BFSP1: variants seen among roughly 807,000 people sequenced by gnomAD.
BFSP1 encodes the protein beaded filament structural protein 1.
A neutral mutation model predicts 43.9 loss-of-function variants in BFSP1; 38 were observed. That is an observed-to-expected ratio of 0.87 (90% confidence interval 0.67 to 1.14). The LOEUF (loss-of-function observed/expected upper bound fraction) is 1.14. BFSP1 is among the 50% of genes most tolerant of loss of function. The pLI is 0.00. For missense variants in BFSP1, 850 were observed against 875.1 expected (o/e 0.97, Z 0.36); for synonymous variants, 352 against 354.8 (o/e 0.99, Z 0.09).
At chr20:17,523,067 T>C (rs2034349422) in intron 2 of BFSP1, among the ~76,000 whole-genome samples, 1 of 152,246 alleles carries the variant, frequency 6.6e-6, no homozygotes, top group African/African-American at 2.4e-5. Flanking sequence ...ACAGGGCTGA[T>C]ACTTCAAATG....
intron 1 of BFSP1, among the ~76,000 whole-genome samples, chr20:17,527,595 G>T (rs2034448919): frequency 6.6e-6 from 1 of 152,168 alleles, no homozygotes; most frequent in African/African-American, 2.4e-5. Flanking sequence ...GGGTGTGGTA[G>T]TGGGCGCCTG....
chr20:17,518,985 C>T (rs1481705027), intron 2 of BFSP1, among the ~76,000 whole-genome samples: 2 of 152,150 alleles, frequency 1.3e-5, no homozygotes, highest in Admixed American at 6.5e-5. Context: ...TTCTCAGCCC[C>T]GGGGATGGGA....
At position 17,498,732 on chromosome 20, in the gene BFSP1, G is replaced by A. The variant is rs2033715442; in HGVS notation, c.956+88C>T. On this transcript the variant is annotated intron_variant, in intron 6 of 7. Coordinates refer to ENST00000377873, the MANE Select transcript of BFSP1 (RefSeq NM_001195.5). ...TTTCCTTCCCTGACACATGCCCACT[G>A]CCTATAACTGTGCCTGGCACACAAT... 10 of 1,432,016 alleles carry A rather than the reference G, an allele frequency of 7.0e-6. No homozygotes were observed. In the East Asian group the frequency reaches 2.5e-4, roughly 35 times the overall value. The allele number at this position is 1,432,016 out of a possible 1,614,324, so 88.7% of individuals were successfully genotyped here.
chr20:17,531,077 C>T lies in BFSP1; in HGVS notation c.253G>A (p.Glu85Lys), dbSNP rs1019095682. ...TCGACTTGGCGGGCGAGGGCGTCCTCGGGCCCGGCCAGCTCGCCCAGGCGC... is the reference window on the plus strand; with the variant it reads ...TCGACTTGGCGGGCGAGGGCGTCCTTGGGCCCGGCCAGCTCGCCCAGGCGC... ...FQRLGELAGPEDALARQVESN... is the reference protein window; with the variant it reads ...FQRLGELAGPKDALARQVESN... Residue 85 changes from glutamate (E) to lysine (K), a missense_variant, in exon 1 of 8, where the codon GAG becomes AAG. Physicochemically the swap from Glu to Lys is moderately conservative, Grantham distance 56. Coordinates refer to ENST00000377873, the MANE Select transcript of BFSP1 (RefSeq NM_001195.5). 1 of 1,375,766 alleles carries T rather than the reference C, an allele frequency of 7.3e-7. No homozygotes were observed. Among genetic ancestry groups the T allele is most frequent in the Non-Finnish European group, 9.4e-7 (1 of 1,066,254 alleles). 85.2% of individuals were successfully genotyped at this position (1,375,766 alleles called of 1,614,324 possible). A position where few individuals can be genotyped will look rare whatever the true frequency, so the allele number is the denominator to read the frequency against.
intron 2 of BFSP1, among the ~76,000 whole-genome samples, chr20:17,520,218 A>AC (rs1555802989): frequency 4.2e-5 from 5 of 118,322 alleles, no homozygotes; most frequent in African/African-American, 8.7e-5. Flanking sequence ...GTGCCCCCCC[A>AC]CCCCGCCCAC....
At chr20:17,524,721 G>T in intron 2 of BFSP1, 127 bp downstream of exon 2, 1 of 972,692 alleles carries the variant, frequency 1.0e-6, no homozygotes. Context: ...TCAAGAGACA[G>T]AGTGACTGCA....
At chr20:17,546,188 T>C (rs1175441731) in intron 1 of BFSP1, among the ~76,000 whole-genome samples, 1 of 152,116 alleles carries the variant, frequency 6.6e-6, no homozygotes, top group African/African-American at 2.4e-5. Context: ...TCAGAAAACT[T>C]ACAATCATGG....
At chr20:17,503,888 G>GA (rs2033864877) in intron 5 of BFSP1, among the ~76,000 whole-genome samples, 1 of 152,184 alleles carries the variant, frequency 6.6e-6, no homozygotes, top group Admixed American at 6.5e-5. Flanking sequence ...ACTTAGCAAA[G>GA]TTTTAAACTG....
intron 1 of BFSP1, among the ~76,000 whole-genome samples, chr20:17,542,647 A>G (rs2034737710): frequency 6.6e-6 from 1 of 152,104 alleles, no homozygotes; most frequent in Admixed American, 6.6e-5. Context: ...ACCTCACATT[A>G]CCTATGAATA....
chr20:17,504,164 A>G (rs928440359), intron 5 of BFSP1, among the ~76,000 whole-genome samples: 3 of 152,078 alleles, frequency 2.0e-5, no homozygotes, highest in African/African-American at 7.2e-5. Flanking sequence ...GCGCCCCCAC[A>G]GCCCCCATCC....
At chr20:17,511,853 G>A in intron 4 of BFSP1, 123 bp downstream of exon 4, 2 of 675,796 alleles carry the variant, frequency 3.0e-6, no homozygotes, top group South Asian at 2.0e-5. Context: ...AGAATACAAG[G>A]CAGGAGTGGG....
rs148910670 is a variant in BFSP1, at chr20:17,544,545, C to A, written c.2+14143G>T. On this transcript the variant is annotated intron_variant, in intron 1 of 7. Transcript: ENST00000377868. ...CTCTAGAGATAATAATGTAACAAAA[C>A]AAAAGAGCTGTGTCTATGCTGGTTT... Among the ~76,000 whole-genome samples the A allele has an allele frequency of 8.1e-3, 1,239 of 152,176 alleles. 18 individuals are homozygous for A. The highest frequency in any genetic ancestry group is 0.019 in the East Asian group (101 of 5,182).
chr20:17,512,870 A>C (rs979297710), intron 3 of BFSP1, among the ~76,000 whole-genome samples: 3 of 152,206 alleles, frequency 2.0e-5, no homozygotes, highest in Non-Finnish European at 4.4e-5. Context: ...AACCTCCTAA[A>C]ATGCAAGTTC....
intron 2 of BFSP1, among the ~76,000 whole-genome samples, chr20:17,520,218 A>C (rs2269050): frequency 0.53 from 60,242 of 114,250 alleles, 12,603 homozygotes; most frequent in African/African-American, 0.64. Flanking sequence ...GTGCCCCCCC[A>C]CCCCGCCCAC....
At chr20:17,546,673 C>T (rs893982381) in intron 1 of BFSP1, among the ~76,000 whole-genome samples, 3 of 151,720 alleles carry the variant, frequency 2.0e-5, no homozygotes, top group Non-Finnish European at 1.5e-5. Context: ...CACTGCATTC[C>T]AGCCTGGGCA....
intron 5 of BFSP1, among the ~76,000 whole-genome samples, 200 bp from the exon 6 acceptor site, chr20:17,499,240 C>T (rs1313685411): frequency 2.2e-5 from 2 of 90,714 alleles, no homozygotes; most frequent in African/African-American, 9.8e-5. Flanking sequence ...TGTCCTTACA[C>T]AATTTTTTTT....
intron 1 of BFSP1, among the ~76,000 whole-genome samples, chr20:17,567,742 TC>T (rs1326995875): frequency 1.3e-5 from 2 of 151,594 alleles, no homozygotes; most frequent in African/African-American, 2.4e-5. Flanking sequence ...ATGCCTGTAA[TC>T]CCAGCTACTC....
intron 1 of BFSP1, among the ~76,000 whole-genome samples, chr20:17,550,750 G>A (rs1443057081): frequency 1.3e-5 from 2 of 152,220 alleles, no homozygotes; most frequent in Non-Finnish European, 2.9e-5. Context: ...TGGGATTACA[G>A]GCGTGAGCCA....
chr20:17,497,554 G>GTGTGTATATACACGTATGTA (rs1555800600), intron 6 of BFSP1, among the ~76,000 whole-genome samples: 14 of 46,544 alleles, frequency 3.0e-4, no homozygotes, highest in Admixed American at 7.6e-4. Flanking sequence ...GTGTATATAT[G>GTGTGTATATACACGTATGTA]TATATGTGTG....
Sources: allele counts gnomAD v4.1 joint callset (sites outside exome capture counted in the v4.1 genomes callset), GRCh38; gene constraint gnomAD v4.1.1; transcripts MANE v1.5; gene names NCBI Gene and HGNC (gene_info 2026-07-23, HGNC 2026-07-21).